Variants in LCA5 observed in about 807,000 individuals in gnomAD.
LCA5 encodes the protein lebercilin LCA5.
A neutral mutation model predicts 53.0 loss-of-function variants in LCA5; 37 were observed. The ratio of observed to expected loss-of-function variants is 0.70; its 90% CI spans 0.54 to 0.92. The LOEUF is 0.92. LCA5 is among the 40% of genes least tolerant of loss of function. LCA5 has a pLI of 0.00. For missense variants in LCA5, 806 were observed against 790.5 expected, an observed-to-expected ratio of 1.02 and a Z score of -0.23; for synonymous variants, 303 against 282.9, an observed-to-expected ratio of 1.07 and a Z score of -0.71.
At chr6:79,494,163 G>A (rs536841540) in intron 3 of LCA5, among the ~76,000 whole-genome samples, 13 of 151,790 alleles carry the variant, frequency 8.6e-5, no homozygotes, top group African/African-American at 1.2e-4. Context: ...AGGGTGAGGC[G>A]GGAAGATCAC....
At chr6:79,495,002 C>A (rs747789217) in intron 3 of LCA5, among the ~76,000 whole-genome samples, 4 of 152,356 alleles carry the variant, frequency 2.6e-5, no homozygotes, top group Non-Finnish European at 5.9e-5. Context: ...AACCCCTGGG[C>A]TGCAGACTGC....
At chr6:79,503,828 T>G (rs1049545207) in intron 3 of LCA5, among the ~76,000 whole-genome samples, 1 of 152,254 alleles carries the variant, frequency 6.6e-6, no homozygotes, top group South Asian at 2.1e-4. Context: ...AAAGTTCCAC[T>G]CAGAACTTAA....
In LCA5 at chr6:79,489,228, T is replaced by TA. The variant is rs758971407; in HGVS notation, c.1099-13dup. The stretch of plus-strand genomic sequence containing the variant: ...TGAGATTGCAAGTCCTATTATACGT[T>TA]AAAAAAAATGCAAGTTCACAAATTA... On this transcript the variant is annotated splice_polypyrimidine_tract_variant and intron_variant, in intron 6 of 7. Coordinates refer to ENST00000369846, the MANE Select transcript of LCA5 (RefSeq NM_001122769.3). 40 of 1,606,980 alleles carry TA rather than the reference T, an allele frequency of 2.5e-5. No individual in the cohort carries two copies. Among genetic ancestry groups the TA allele is most frequent in the Middle Eastern group, 1.6e-4 (1 of 6,072 alleles).
intron 4 of LCA5, among the ~76,000 whole-genome samples, chr6:79,493,331 G>C (rs567634202): frequency 6.6e-6 from 1 of 152,234 alleles, no homozygotes; most frequent in South Asian, 2.1e-4. Flanking sequence ...ACACAGTGAA[G>C]CTCTAGTTCC....
At chr6:79,535,848 A>G (rs919069654) in intron 1 of LCA5, among the ~76,000 whole-genome samples, 1 of 152,218 alleles carries the variant, frequency 6.6e-6, no homozygotes, top group Non-Finnish European at 1.5e-5. Context: ...TTATTGGGAA[A>G]AACAATAATG....
In LCA5 at chr6:79,518,959, C is replaced by T. The variant is rs539979963; in HGVS notation, c.-65G>A. On this transcript the variant is annotated 5_prime_UTR_variant, in exon 2 of 8. Transcript: ENST00000369846. ...TTATTTTCTCCAGAGGAGACTATGA[C>T]AATACTGAAAAACATTTTCACAGTC... 3 of 1,405,442 alleles carry T rather than the reference C, an allele frequency of 2.1e-6. No homozygotes were observed. The highest frequency in any genetic ancestry group is 1.4e-5 in the African/African-American group (1 of 70,820). The allele number at this position is 1,405,442 out of a possible 1,614,324, so 87.1% of individuals were successfully genotyped here.
chr6:79,497,287 A>T (rs1051028128), intron 3 of LCA5, among the ~76,000 whole-genome samples: 1 of 152,174 alleles, frequency 6.6e-6, no homozygotes, highest in African/African-American at 2.4e-5. Flanking sequence ...ATTTCACTAT[A>T]AGAGGAAGAA....
intron 3 of LCA5, among the ~76,000 whole-genome samples, chr6:79,498,224 G>A (rs1333670364): frequency 6.6e-6 from 1 of 151,376 alleles, no homozygotes; most frequent in African/African-American, 2.4e-5. Context: ...GACCACATGA[G>A]AGAGCATGCA....
chr6:79,512,746 C>G (rs939063644), intron 3 of LCA5, among the ~76,000 whole-genome samples: 1 of 152,136 alleles, frequency 6.6e-6, no homozygotes, highest in South Asian at 2.1e-4. Context: ...ACTAGTCAGT[C>G]AACAGTCTCC....
intron 3 of LCA5, among the ~76,000 whole-genome samples, chr6:79,495,091 T>G (rs1410454378): frequency 6.6e-6 from 1 of 152,218 alleles, no homozygotes; most frequent in Non-Finnish European, 1.5e-5. Flanking sequence ...GCATTACCAC[T>G]TGAGCTCTGC....
At chr6:79,489,307 A>C in intron 6 of LCA5, 91 bp from the exon 7 acceptor site, 1 of 1,275,106 alleles carries the variant, frequency 7.8e-7, no homozygotes, top group South Asian at 1.3e-5. Context: ...CATGATTACC[A>C]ACTAAGTTAA....
At chr6:79,503,855 T>C (rs2127674556) in intron 3 of LCA5, among the ~76,000 whole-genome samples, 1 of 152,368 alleles carries the variant, frequency 6.6e-6, no homozygotes, top group South Asian at 2.1e-4. Flanking sequence ...AAAGGGTAGG[T>C]ATTAACAGTC....
chr6:79,498,307 T>C (rs1284275557), intron 3 of LCA5, among the ~76,000 whole-genome samples: 1 of 152,156 alleles, frequency 6.6e-6, no homozygotes, highest in Non-Finnish European at 1.5e-5. Flanking sequence ...GGAGTGTTCT[T>C]TGTACTGTTT....
intron 3 of LCA5, among the ~76,000 whole-genome samples, chr6:79,506,135 A>G (rs1582632614): frequency 6.6e-6 from 1 of 152,282 alleles, no homozygotes; most frequent in Non-Finnish European, 1.5e-5. Context: ...AGCTCCATTG[A>G]TACTGAGCTG....
Position 79,486,981 on chromosome 6 carries a change from GA to G in LCA5, c.*22del. The G allele has an allele frequency of 6.3e-7, 1 of 1,579,874 alleles. No homozygotes were observed. On this transcript the variant is annotated 3_prime_UTR_variant, in exon 8 of 8. Coordinates refer to ENST00000369846, the MANE Select transcript of LCA5 (RefSeq NM_001122769.3). Reference sequence around the variant, plus strand: ...TAAAATATTTCAATATTTACAATTAGAAAAAATGTATACTCTAGTCAGTCAT... The same window carrying G: ...TAAAATATTTCAATATTTACAATTAGAAAAATGTATACTCTAGTCAGTCAT...
intron 1 of LCA5, among the ~76,000 whole-genome samples, chr6:79,529,573 G>C (rs1766894308): frequency 6.6e-6 from 1 of 152,042 alleles, no homozygotes; most frequent in South Asian, 2.1e-4. Flanking sequence ...AACCTTGTGA[G>C]GGGTATAAAA....
intron 3 of LCA5, 100 bp from the exon 4 acceptor site, chr6:79,493,850 C>A: frequency 4.7e-6 from 4 of 857,216 alleles, no homozygotes; most frequent in Non-Finnish European, 7.2e-6. Flanking sequence ...TGGTATTGTC[C>A]AAGACCTACA....
At chr6:79,536,799 GTTTGT>G (rs1767144094) in intron 1 of LCA5, among the ~76,000 whole-genome samples, 1 of 151,942 alleles carries the variant, frequency 6.6e-6, no homozygotes. Flanking sequence ...TTTTTGTTTT[GTTTGT>G]TTTAATAACA....
chr6:79,502,572 A>G (rs927036260), intron 3 of LCA5, among the ~76,000 whole-genome samples: 1 of 152,226 alleles, frequency 6.6e-6, no homozygotes, highest in Non-Finnish European at 1.5e-5. Context: ...AATGACATAT[A>G]GAGAATTAGC....
Sources: gnomAD v4.1 joint callset for allele counts (sites outside exome capture counted in the v4.1 genomes callset) on GRCh38, gnomAD v4.1.1 for gene constraint, MANE v1.5 for transcripts, NCBI Gene and HGNC (gene_info 2026-07-23, HGNC 2026-07-21) for gene names.